The following AFAP1L2 variants were observed in gnomAD, a reference collection of about 807,000 sequenced individuals.
AFAP1L2 encodes actin filament associated protein 1 like 2.
In AFAP1L2, 46 loss-of-function variants were observed where a neutral mutation model predicts 99.3. The ratio of observed to expected loss-of-function variants is 0.46; its 90% CI spans 0.37 to 0.59. The LOEUF is 0.59. AFAP1L2 is among the 20% of genes least tolerant of loss of function. The pLI, the probability that AFAP1L2 is intolerant of heterozygous loss-of-function variation, is 0.00. For missense variants in AFAP1L2, 959 were observed against 1,034.9 expected (o/e 0.93, Z 1.01); for synonymous variants, 397 against 419.1 (o/e 0.95, Z 0.64).
At chr10:114,368,767 AACACACACACACACACACACAC>A (rs34854872) in intron 1 of AFAP1L2, among the ~76,000 whole-genome samples, 5 of 140,640 alleles carry the variant, frequency 3.6e-5, no homozygotes, top group Non-Finnish European at 6.2e-5. Context: ...GTGTCCTTAC[AACACACACACACACACACACAC>A]ACACACACAC....
At position 114,294,960 on chromosome 10, in the gene AFAP1L2, T is replaced by C. The variant is rs979481723; in HGVS notation, c.*1082A>G. ...TCAGGAACAAGTGTTAGAGAACTGA[T>C]ACACAACCCTCCAGAAATGAGGCAG... On this transcript the variant is annotated 3_prime_UTR_variant, in exon 19 of 19. Transcript: ENST00000304129. 1 of 979,166 alleles carries C rather than the reference T, an allele frequency of 1.0e-6. No individual in the cohort carries two copies. The allele number at this position is 979,166 out of a possible 1,614,324, so 60.7% of individuals were successfully genotyped here.
At chr10:114,354,589 G>T (rs1022627737) in intron 1 of AFAP1L2, among the ~76,000 whole-genome samples, 1 of 152,192 alleles carries the variant, frequency 6.6e-6, no homozygotes, top group Non-Finnish European at 1.5e-5. Flanking sequence ...CCCTGGTGAT[G>T]AGTTCAACTA....
At chr10:114,364,055 G>T (rs1162789827) in intron 1 of AFAP1L2, among the ~76,000 whole-genome samples, 1 of 152,206 alleles carries the variant, frequency 6.6e-6, no homozygotes, top group Admixed American at 6.5e-5. Flanking sequence ...TTGCTGTGGG[G>T]CTAGTTAAAG....
chr10:114,294,262 T>G (rs2039865650), downstream of AFAP1L2, among the ~76,000 whole-genome samples: 1 of 152,232 alleles, frequency 6.6e-6, no homozygotes, highest in Non-Finnish European at 1.5e-5. Flanking sequence ...TTTGAATTTT[T>G]GGTATCAGAG....
At chr10:114,307,941 T>C (rs745930020) in intron 9 of AFAP1L2, 32 bp from the exon 10 acceptor site, 2 of 1,597,666 alleles carry the variant, frequency 1.3e-6, no homozygotes, top group Admixed American at 3.3e-5. Context: ...CAATTCGTAT[T>C]GCACGTGGTC....
At chr10:114,282,073 A>T in the AFAP1L2 span, among the ~76,000 whole-genome samples, 1 of 140,944 alleles carries the variant, frequency 7.1e-6, no homozygotes, top group South Asian at 2.2e-4. Context: ...GCAGTTGTGC[A>T]ATCTCGGCTC....
chr10:114,304,099 AT>A (rs2134130660), intron 11 of AFAP1L2, among the ~76,000 whole-genome samples: 1 of 152,282 alleles, frequency 6.6e-6, no homozygotes, highest in African/African-American at 2.4e-5. Context: ...AGCAATTGCG[AT>A]GTGGGTCTTT....
At position 114,344,642 on chromosome 10, in the gene AFAP1L2, A is replaced by AGT. The variant is rs537483220; in HGVS notation, c.17-3913_17-3912dup. On this transcript the variant is annotated intron_variant, in intron 1 of 18. Coordinates refer to ENST00000304129, the MANE Select transcript of AFAP1L2 (RefSeq NM_001001936.3). The stretch of plus-strand genomic sequence containing the variant: ...GGGTCCTCAGCCCTTCCAGAGGCCT[A>AGT]GTGAACCCAGGGTGAGAAGAGAACT... 1.1e-4 allele frequency among the ~76,000 whole-genome samples: 16 copies of AGT among 152,344 alleles called. No individual in the cohort carries two copies. The East Asian group carries it at 3.1e-3, about 29-fold the overall frequency.
chr10:114,311,294 A>T (rs1457245137), intron 7 of AFAP1L2, among the ~76,000 whole-genome samples: 2 of 152,026 alleles, frequency 1.3e-5, no homozygotes, highest in Non-Finnish European at 2.9e-5. Context: ...TGCCGGGGGA[A>T]CTCCCAGGGC....
Position 114,296,968 on chromosome 10 carries a change from G to T in AFAP1L2, c.2430+10C>A. 1.2e-6 allele frequency: 2 copies of T among 1,614,064 alleles called. No homozygotes were observed. The highest frequency in any genetic ancestry group is 2.2e-5 in the South Asian group (2 of 90,984). On this transcript the variant is annotated intron_variant, in intron 18 of 18. Transcript: ENST00000304129. ...GCTGGCCCCAAGGGAGGCTGGGAGTGACTGCTTACCTTGGCTTTCTGGAGT... is the reference window on the plus strand; with the variant it reads ...GCTGGCCCCAAGGGAGGCTGGGAGTTACTGCTTACCTTGGCTTTCTGGAGT...
intron 1 of AFAP1L2, among the ~76,000 whole-genome samples, chr10:114,362,242 G>C (rs188161393): frequency 4.2e-4 from 64 of 152,310 alleles, no homozygotes; most frequent in Admixed American, 9.2e-4. Flanking sequence ...ACCCACTGCA[G>C]TGGGTTGATT....
chr10:114,323,047 G>T (rs2045625651), intron 5 of AFAP1L2, 124 bp downstream of exon 5: 2 of 841,438 alleles, frequency 2.4e-6, no homozygotes, highest in Non-Finnish European at 3.7e-6. Flanking sequence ...TGTCACAGCA[G>T]CCCAGACTAC....
chr10:114,367,923 A>G (rs753300000), intron 1 of AFAP1L2, among the ~76,000 whole-genome samples: 9 of 152,368 alleles, frequency 5.9e-5, no homozygotes, highest in Middle Eastern at 3.4e-3. Context: ...ATAATTAACT[A>G]CATGAACACA....
intron 1 of AFAP1L2, among the ~76,000 whole-genome samples, chr10:114,386,662 C>A (rs895462213): frequency 3.3e-5 from 5 of 152,204 alleles, no homozygotes; most frequent in Non-Finnish European, 7.3e-5. Context: ...TGCTCCACAG[C>A]AGCTGCCAGG....
In AFAP1L2 at chr10:114,315,832, G is replaced by A. The variant is rs1026934663; in HGVS notation, c.407-67C>T. ...GGACAGTCCTGAAGCAGCATCGCTG[G>A]GGAGGGCAGCAGGCAGGAGCAGCAG... On this transcript the variant is annotated intron_variant, in intron 5 of 18. Coordinates refer to ENST00000304129, the MANE Select transcript of AFAP1L2 (RefSeq NM_001001936.3). 7 of 1,482,804 alleles carry A rather than the reference G, an allele frequency of 4.7e-6. No homozygotes were observed. In the African/African-American group the frequency reaches 8.3e-5, roughly 18 times the overall value. The allele number at this position is 1,482,804 out of a possible 1,614,324, so 91.9% of individuals were successfully genotyped here.
chr10:114,321,607 A>T (rs539714178), intron 5 of AFAP1L2, among the ~76,000 whole-genome samples: 36 of 152,160 alleles, frequency 2.4e-4, no homozygotes, highest in Non-Finnish European at 3.4e-4. Flanking sequence ...CAGGGGCCCT[A>T]GCCTTTTATA....
At chr10:114,317,713 G>C (rs1564847933) in intron 5 of AFAP1L2, among the ~76,000 whole-genome samples, 1 of 152,168 alleles carries the variant, frequency 6.6e-6, no homozygotes, top group Non-Finnish European at 1.5e-5. Context: ...ACAAAAATTA[G>C]CTGGGCATGG....
intron 1 of AFAP1L2, among the ~76,000 whole-genome samples, chr10:114,400,897 T>C (rs2058170275): frequency 6.6e-6 from 1 of 152,084 alleles, no homozygotes; most frequent in African/African-American, 2.4e-5. Context: ...CTGCCTTAGA[T>C]AGAACTTCAA....
chr10:114,316,878 A>G (rs567735906), intron 5 of AFAP1L2, among the ~76,000 whole-genome samples: 26 of 152,104 alleles, frequency 1.7e-4, no homozygotes, highest in African/African-American at 6.0e-4. Flanking sequence ...GCTCTGCCCA[A>G]ATTTCCCACG....
Sources: allele counts gnomAD v4.1 joint callset (sites outside exome capture counted in the v4.1 genomes callset), GRCh38; gene constraint gnomAD v4.1.1; transcripts MANE v1.5; gene names NCBI Gene and HGNC (gene_info 2026-07-23, HGNC 2026-07-21).